The following SLC44A5 variants were observed in gnomAD, a reference collection of about 807,000 sequenced individuals.
SLC44A5 encodes solute carrier family 44 member 5, also known as choline transporter-like protein 5.
A neutral mutation model predicts 101.8 loss-of-function variants in SLC44A5; 57 were observed. The ratio of observed to expected loss-of-function variants is 0.56; its 90% CI spans 0.45 to 0.70. The LOEUF (loss-of-function observed/expected upper bound fraction) is 0.70, where lower values mean the gene tolerates loss of function less well. SLC44A5 is among the 30% of genes least tolerant of loss of function. The pLI is 0.00. For missense variants in SLC44A5, 737 were observed against 853.1 expected, an observed-to-expected ratio of 0.86 and a Z score of 1.70; for synonymous variants, 281 against 290.9, an observed-to-expected ratio of 0.97 and a Z score of 0.35.
rs909995440 is a variant in SLC44A5 at position 75,246,355 on chromosome 1, A to C, written c.346-3344T>G. Among the ~76,000 whole-genome samples the C allele has an allele frequency of 2.0e-5, 3 of 152,104 alleles. No homozygotes were observed. The South Asian group carries it at 6.2e-4, about 31-fold the overall frequency. On this transcript the variant is annotated intron_variant, in intron 7 of 23. Transcript: ENST00000370859. ...ATGATAGATTTGTAGAGTACAGTGG[A>C]AAAATTCTTAACTAGAAGTAGGAAG...
intron 2 of SLC44A5, among the ~76,000 whole-genome samples, chr1:75,476,565 G>A (rs144951415): frequency 0.027 from 4,071 of 152,266 alleles, 177 homozygotes; most frequent in African/African-American, 0.093. Flanking sequence ...GCGCTTTTCC[G>A]ACAGGCTTAA....
intron 1 of SLC44A5, among the ~76,000 whole-genome samples, chr1:75,606,470 CA>C (rs1384703574): frequency 6.6e-6 from 1 of 151,950 alleles, no homozygotes; most frequent in Non-Finnish European, 1.5e-5. Context: ...TAACAAACAA[CA>C]AGGAATAAAA....
the SLC44A5 span, among the ~76,000 whole-genome samples, chr1:75,669,660 T>C: frequency 1.3e-5 from 2 of 152,098 alleles, no homozygotes; most frequent in East Asian, 3.9e-4. Flanking sequence ...CTATAAGTTC[T>C]CCCTTACGTT....
chr1:75,439,320 A>C (rs757872872), intron 2 of SLC44A5, among the ~76,000 whole-genome samples: 4 of 152,140 alleles, frequency 2.6e-5, no homozygotes, highest in Non-Finnish European at 5.9e-5. Flanking sequence ...CTGTTTATAT[A>C]AGTTGACTAG....
intron 2 of SLC44A5, among the ~76,000 whole-genome samples, chr1:75,476,944 G>A (rs1667449964): frequency 6.6e-6 from 1 of 152,248 alleles, no homozygotes; most frequent in South Asian, 2.1e-4. Flanking sequence ...TGGGCAGACT[G>A]TCTCCTCAAG....
At chr1:75,435,683 T>G (rs1229860819) in intron 2 of SLC44A5, among the ~76,000 whole-genome samples, 1 of 152,164 alleles carries the variant, frequency 6.6e-6, no homozygotes, top group African/African-American at 2.4e-5. Flanking sequence ...TGATGTCCTT[T>G]TATTGGTTTA....
At chr1:75,572,097 C>T (rs1673106283) in intron 1 of SLC44A5, among the ~76,000 whole-genome samples, 1 of 152,184 alleles carries the variant, frequency 6.6e-6, no homozygotes, top group African/African-American at 2.4e-5. Context: ...TTTGCAAGAT[C>T]TCATTCATTT....
intron 2 of SLC44A5, among the ~76,000 whole-genome samples, chr1:75,485,423 G>T (rs1400735496): frequency 6.6e-6 from 1 of 152,230 alleles, no homozygotes; most frequent in Non-Finnish European, 1.5e-5. Flanking sequence ...AGCATAGGAA[G>T]AGTGACCTTT....
the SLC44A5 span, among the ~76,000 whole-genome samples, chr1:75,664,502 T>G: frequency 6.6e-6 from 1 of 152,062 alleles, no homozygotes; most frequent in South Asian, 2.1e-4. Flanking sequence ...ATCAGTAGGA[T>G]TCAATAACAT....
the SLC44A5 span, among the ~76,000 whole-genome samples, chr1:75,679,155 T>A: frequency 1.3e-5 from 2 of 152,078 alleles, no homozygotes; most frequent in Non-Finnish European, 1.5e-5. Flanking sequence ...CTGAAAGTGA[T>A]GGGGAGAACG....
intron 2 of SLC44A5, among the ~76,000 whole-genome samples, chr1:75,509,535 C>A (rs958672375): frequency 2.0e-5 from 3 of 152,100 alleles, no homozygotes; most frequent in Non-Finnish European, 4.4e-5. Context: ...TGGAAGAAGA[C>A]TCACAATGGA....
At chr1:75,702,043 G>A in the SLC44A5 span, among the ~76,000 whole-genome samples, 3 of 152,046 alleles carry the variant, frequency 2.0e-5, no homozygotes, top group Non-Finnish European at 4.4e-5. Context: ...CCATGCTCAT[G>A]GGTAGGAAGA....
Position 75,386,521 on chromosome 1 carries a change from C to T in SLC44A5, c.52+10062G>A, listed in dbSNP as rs180991946. 1.5e-3 allele frequency among the ~76,000 whole-genome samples: 235 copies of T among 152,210 alleles called. 1 individual carries two copies. The highest frequency in any genetic ancestry group is 5.2e-3 in the African/African-American group (217 of 41,518). On this transcript the variant is annotated intron_variant, in intron 3 of 23. Coordinates refer to ENST00000370859, the MANE Select transcript of SLC44A5 (RefSeq NM_001130058.2). The stretch of plus-strand genomic sequence containing the variant: ...TTACAAGGGATGTGAAGGACGTCTT[C>T]AAGGAGAACTACAAACCGCTGCTCA...
intron 4 of SLC44A5, among the ~76,000 whole-genome samples, chr1:75,322,497 C>T (rs1656241982): frequency 6.6e-6 from 1 of 151,962 alleles, no homozygotes; most frequent in African/African-American, 2.4e-5. Context: ...TATTAATTAA[C>T]TCTTCTAGAT....
intron 2 of SLC44A5, among the ~76,000 whole-genome samples, chr1:75,508,879 T>A (rs1407151213): frequency 3.3e-5 from 5 of 152,202 alleles, no homozygotes; most frequent in Admixed American, 2.0e-4. Flanking sequence ...AAATGCTAAA[T>A]CATTTGACCT....
At chr1:75,218,462 T>C (rs780388201) in intron 17 of SLC44A5, 28 bp downstream of exon 17, 13 of 1,611,434 alleles carry the variant, frequency 8.1e-6, no homozygotes, top group Non-Finnish European at 9.3e-6. Context: ...ACTGACAAGA[T>C]AGGTGTAGGC....
intron 6 of SLC44A5, 63 bp downstream of exon 6, chr1:75,274,895 A>C: frequency 1.5e-6 from 2 of 1,291,178 alleles, no homozygotes; most frequent in Non-Finnish European, 2.2e-6. Context: ...ATTACTGTAA[A>C]AGTGATATCT....
At chr1:75,281,597 G>T (rs547910518) in intron 5 of SLC44A5, among the ~76,000 whole-genome samples, 12 of 130,458 alleles carry the variant, frequency 9.2e-5, no homozygotes, top group African/African-American at 3.3e-4. Flanking sequence ...CACAGGCTCA[G>T]AACCTAAGAG....
chr1:75,403,930 G>A (rs901797457), intron 2 of SLC44A5, among the ~76,000 whole-genome samples: 55 of 152,064 alleles, frequency 3.6e-4, no homozygotes, highest in Non-Finnish European at 8.8e-5. Flanking sequence ...CTAACCCAAT[G>A]CAAGGGAACT....
Sources: allele counts gnomAD v4.1 joint callset (sites outside exome capture counted in the v4.1 genomes callset), GRCh38; gene constraint gnomAD v4.1.1; transcripts MANE v1.5; gene names NCBI Gene and HGNC (gene_info 2026-07-23, HGNC 2026-07-21).